Variants in ZC3H11C observed in about 807,000 individuals in gnomAD.
The protein encoded by ZC3H11C is zinc finger CCCH-type containing 11C, also known as zinc finger CCCH domain-containing protein 11C.
At chr6:65,301,853 T>C in the ZC3H11C span, among the ~76,000 whole-genome samples, 4 of 152,248 alleles carry the variant, frequency 2.6e-5, no homozygotes, top group East Asian at 1.9e-4. Context: ...CTCAAGGTTC[T>C]GGACCTTGAG....
the ZC3H11C span, chr6:65,302,404 A>G: frequency 1.5e-6 from 1 of 657,780 alleles, no homozygotes; most frequent in South Asian, 1.9e-5. Context: ...AATTTCTGTG[A>G]TCAAGTTGTC....
At chr6:65,301,649 C>T in the ZC3H11C span, among the ~76,000 whole-genome samples, 5 of 152,384 alleles carry the variant, frequency 3.3e-5, no homozygotes, top group South Asian at 2.1e-4. Context: ...GACCTTATTC[C>T]GGTATCCTAC....
the ZC3H11C span, among the ~76,000 whole-genome samples, chr6:65,301,761 T>A: frequency 6.6e-6 from 1 of 152,226 alleles, no homozygotes; most frequent in Non-Finnish European, 1.5e-5. Context: ...GGTGAAACCG[T>A]AATGACGAAC....
At chr6:65,306,440 AG>A in the ZC3H11C span, among the ~76,000 whole-genome samples, 1 of 152,146 alleles carries the variant, frequency 6.6e-6, no homozygotes, top group Non-Finnish European at 1.5e-5. Context: ...TCTCCAAAGC[AG>A]GGGTAGAATG....
the ZC3H11C span, among the ~76,000 whole-genome samples, chr6:65,305,346 T>C: frequency 2.0e-5 from 3 of 152,234 alleles, no homozygotes; most frequent in African/African-American, 4.8e-5. Flanking sequence ...TACTTAATAT[T>C]ACCTGAGTTT....
chr6:65,302,868 G>A, the ZC3H11C span: 1 of 1,613,826 alleles, frequency 6.2e-7, no homozygotes, highest in Non-Finnish European at 8.5e-7. Context: ...GTGAAGGCTA[G>A]CCAACTTTCA....
the ZC3H11C span, among the ~76,000 whole-genome samples, chr6:65,302,366 A>C: frequency 6.6e-6 from 1 of 152,194 alleles, no homozygotes; most frequent in Non-Finnish European, 1.5e-5. Context: ...TGTTGAGAGC[A>C]ATCAGCTAAT....
chr6:65,302,057 C>T, the ZC3H11C span, among the ~76,000 whole-genome samples: 1 of 152,158 alleles, frequency 6.6e-6, no homozygotes, highest in Admixed American at 6.5e-5. Context: ...GATTTTTTTT[C>T]ATGATCCTTT....
chr6:65,301,538 A>G, the ZC3H11C span, among the ~76,000 whole-genome samples: 1 of 152,206 alleles, frequency 6.6e-6, no homozygotes, highest in South Asian at 2.1e-4. Flanking sequence ...CGGCCAAGCG[A>G]GAAGAAAGAC....
At chr6:65,305,395 T>C in the ZC3H11C span, among the ~76,000 whole-genome samples, 14 of 152,210 alleles carry the variant, frequency 9.2e-5, no homozygotes, top group African/African-American at 3.4e-4. Flanking sequence ...AAGGACCAAA[T>C]TTTATGCTAC....
At chr6:65,305,794 T>C in the ZC3H11C span, among the ~76,000 whole-genome samples, 1 of 152,186 alleles carries the variant, frequency 6.6e-6, no homozygotes, top group Non-Finnish European at 1.5e-5. Context: ...CAAAATATGG[T>C]TAATTTTTTA....
the ZC3H11C span, chr6:65,302,439 C>T: frequency 3.2e-6 from 2 of 632,288 alleles, no homozygotes; most frequent in South Asian, 3.9e-5. Context: ...ACCCATTTCA[C>T]GAGGACTTGG....
At chr6:65,302,008 TTTTG>T in the ZC3H11C span, among the ~76,000 whole-genome samples, 1 of 152,278 alleles carries the variant, frequency 6.6e-6, no homozygotes, top group Non-Finnish European at 1.5e-5. Flanking sequence ...AACTGATTTT[TTTTG>T]TTTTTCAGAT....
the ZC3H11C span, chr6:65,304,978 T>TA: frequency 6.7e-4 from 109 of 163,718 alleles, no homozygotes; most frequent in East Asian, 3.1e-3. Context: ...GAGGACACTT[T>TA]AAAAAAAAAT....
the ZC3H11C span, chr6:65,303,342 C>T: frequency 1.3e-6 from 1 of 799,230 alleles, no homozygotes; most frequent in Non-Finnish European, 2.3e-6. Flanking sequence ...GGAGAAGAAC[C>T]CTTGGTTAGA....
At chr6:65,301,560 C>A in the ZC3H11C span, among the ~76,000 whole-genome samples, 1 of 152,180 alleles carries the variant, frequency 6.6e-6, no homozygotes, top group Non-Finnish European at 1.5e-5. Flanking sequence ...TGGCAGCAAG[C>A]GGGAGTCGGG....
chr6:65,306,481 T>C, the ZC3H11C span, among the ~76,000 whole-genome samples: 3 of 152,168 alleles, frequency 2.0e-5, no homozygotes, highest in Non-Finnish European at 4.4e-5. Context: ...TTTCTACTTA[T>C]TTCGCTTTTG....
At chr6:65,302,257 GA>G in the ZC3H11C span, among the ~76,000 whole-genome samples, 300 of 152,288 alleles carry the variant, frequency 2.0e-3, no homozygotes, top group Middle Eastern at 0.01. Context: ...ATGTGAGGAG[GA>G]AAATTTTTTC....
At chr6:65,306,035 A>G in the ZC3H11C span, among the ~76,000 whole-genome samples, 1 of 152,186 alleles carries the variant, frequency 6.6e-6, no homozygotes, top group African/African-American at 2.4e-5. Context: ...GGTTTCCTTC[A>G]TATCACCTCA....
Sources: allele counts gnomAD v4.1 joint callset (sites outside exome capture counted in the v4.1 genomes callset), GRCh38; gene constraint gnomAD v4.1.1; transcripts MANE v1.5; gene names NCBI Gene and HGNC (gene_info 2026-07-23, HGNC 2026-07-21).